SLC37A1: variants seen among roughly 807,000 people sequenced by gnomAD.
The protein encoded by SLC37A1 is glucose-6-phosphate exchanger SLC37A1.
SLC37A1 carries 49 observed loss-of-function variants against 75.3 expected under a neutral mutation model. That is an observed-to-expected ratio of 0.65 (90% CI 0.52 to 0.83). The LOEUF is 0.83. Among genes scored for constraint, SLC37A1 ranks in the 40% least tolerant of loss-of-function variants. SLC37A1 has a pLI of 0.00. For synonymous variants in SLC37A1, 268 were observed against 292.1 expected, an observed-to-expected ratio of 0.92 and a Z score of 0.84; for missense variants, 566 against 695.0, an observed-to-expected ratio of 0.81 and a Z score of 2.09.
At chr21:42,543,308 G>C in intron 7 of SLC37A1, 128 bp from the exon 8 acceptor site, 1 of 1,034,484 alleles carries the variant, frequency 9.7e-7, no homozygotes, top group South Asian at 1.3e-5. Flanking sequence ...CACAGAAGCA[G>C]GGTCTGCATG....
intron 12 of SLC37A1, 59 bp from the exon 13 acceptor site, chr21:42,563,756 G>A: frequency 1.9e-6 from 3 of 1,539,440 alleles, no homozygotes; most frequent in Non-Finnish European, 1.8e-6. Context: ...GCCATGGTGT[G>A]TCGCTGCGAT....
chr21:42,527,950 C>T (rs1259601967), intron 3 of SLC37A1, among the ~76,000 whole-genome samples: 3 of 152,290 alleles, frequency 2.0e-5, no homozygotes, highest in African/African-American at 7.2e-5. Context: ...ATGGCATCAA[C>T]GAAACTGAAA....
At chr21:42,576,154 G>T (rs1441268590) in intron 18 of SLC37A1, among the ~76,000 whole-genome samples, 1 of 152,068 alleles carries the variant, frequency 6.6e-6, no homozygotes, top group Admixed American at 6.6e-5. Flanking sequence ...CGTTAGGCTG[G>T]CACAAGATGA....
In SLC37A1 at chr21:42,555,607, C is replaced by G. The variant is rs185596971; in HGVS notation, c.849+1465C>G. ...AATTCACATTTAAACAAATCATGTC[C>G]CAGTGTCCAAAAGGCTGTCACCCCT... On this transcript the variant is annotated intron_variant, in intron 10 of 19. Transcript: ENST00000352133. Among the ~76,000 whole-genome samples, 3 of 152,108 alleles carry G rather than the reference C, an allele frequency of 2.0e-5. No homozygotes were observed. In the East Asian group the frequency reaches 5.8e-4, roughly 29 times the overall value.
Position 42,580,634 on chromosome 21 carries a change from T to G in SLC37A1, c.*274T>G. 1.0e-5 allele frequency: 3 copies of G among 291,778 alleles called. No individual in the cohort carries two copies. Among genetic ancestry groups the G allele is most frequent in the South Asian group, 2.9e-5 (1 of 34,710 alleles). The allele number at this position is 291,778 out of a possible 1,614,324, so 18.1% of individuals were successfully genotyped here. ...GGCCGGCCCTGGCCTCACAGGCGTG[T>G]GCCCATGCAGCCACCCAAATGCACG... On this transcript the variant is annotated 3_prime_UTR_variant, in exon 20 of 20. Transcript: ENST00000352133.
intron 17 of SLC37A1, among the ~76,000 whole-genome samples, chr21:42,572,695 T>TAAAAAAACAAAA (rs1421400961): frequency 7.6e-6 from 1 of 132,270 alleles, no homozygotes; most frequent in Non-Finnish European, 1.6e-5. Context: ...AAAAAAAGAG[T>TAAAAAAACAAAA]GTGTCCTGAG....
At position 42,571,404 on chromosome 21, in the gene SLC37A1, G is replaced by T. The variant is rs193182642; in HGVS notation, c.1423+2966G>T. Reference sequence around the variant, plus strand: ...GCCGTTTCTGTACATTTCATGCAGAGCAATTAAATAGGGCACTGCATTTTT... The same window carrying T: ...GCCGTTTCTGTACATTTCATGCAGATCAATTAAATAGGGCACTGCATTTTT... On this transcript the variant is annotated intron_variant, in intron 17 of 19. Transcript: ENST00000352133. Among the ~76,000 whole-genome samples, 151 of 152,326 alleles carry T rather than the reference G, an allele frequency of 9.9e-4. 1 individual carries two copies. Among genetic ancestry groups the T allele is most frequent in the Middle Eastern group, 3.4e-3 (1 of 294 alleles).
chr21:42,535,566 T>C lies in SLC37A1; in HGVS notation c.350+16T>C. ...TGTACCTCAGGTAGGTCTCCTTCAGTTTTCCAGACCCTTCCTGGTTACCTG... is the reference window on the plus strand; with the variant it reads ...TGTACCTCAGGTAGGTCTCCTTCAGCTTTCCAGACCCTTCCTGGTTACCTG... On this transcript the variant is annotated intron_variant, in intron 5 of 19. Coordinates refer to ENST00000352133, the MANE Select transcript of SLC37A1 (RefSeq NM_001320537.2). 1 of 1,610,952 alleles carries C rather than the reference T, an allele frequency of 6.2e-7. No individual in the cohort carries two copies. Among genetic ancestry groups the C allele is most frequent in the Middle Eastern group, 1.7e-4 (1 of 6,040 alleles).
chr21:42,539,686 T>C, intron 6 of SLC37A1, 39 bp downstream of exon 6: 1 of 1,590,046 alleles, frequency 6.3e-7, no homozygotes, highest in Middle Eastern at 1.7e-4. Flanking sequence ...GTACGGGGTT[T>C]CCTTGGTGAA....
At chr21:42,553,989 G>A (rs2055619414) in intron 9 of SLC37A1, 73 bp from the exon 10 acceptor site, 4 of 1,270,496 alleles carry the variant, frequency 3.1e-6, no homozygotes, top group Non-Finnish European at 3.3e-6. Context: ...AAGTATCCTT[G>A]CTACAGTAAA....
At chr21:42,516,131 AG>A (rs1229162328) in intron 1 of SLC37A1, among the ~76,000 whole-genome samples, 1 of 152,222 alleles carries the variant, frequency 6.6e-6, no homozygotes, top group South Asian at 2.1e-4. Context: ...GGTAAGTTCC[AG>A]GGGGGCCTGT....
At chr21:42,573,611 A>G (rs1432664452) in intron 17 of SLC37A1, among the ~76,000 whole-genome samples, 1 of 152,146 alleles carries the variant, frequency 6.6e-6, no homozygotes, top group Non-Finnish European at 1.5e-5. Flanking sequence ...TGAGAATTAA[A>G]AAAAAAAACA....
At chr21:42,546,211 G>T (rs2055403378) in intron 8 of SLC37A1, among the ~76,000 whole-genome samples, 1 of 152,198 alleles carries the variant, frequency 6.6e-6, no homozygotes, top group Admixed American at 6.5e-5. Context: ...AGAGGCCTGG[G>T]GTCTGACTCT....
chr21:42,519,576 G>T (rs1006454138), intron 2 of SLC37A1, among the ~76,000 whole-genome samples: 1 of 152,198 alleles, frequency 6.6e-6, no homozygotes, highest in African/African-American at 2.4e-5. Flanking sequence ...AAATGATTTT[G>T]ATGCCACAGC....
At chr21:42,564,498 T>C (rs951586587) in intron 13 of SLC37A1, among the ~76,000 whole-genome samples, 4 of 152,182 alleles carry the variant, frequency 2.6e-5, no homozygotes, top group Non-Finnish European at 4.4e-5. Flanking sequence ...AACCTGAACC[T>C]GCAGATGTCT....
chr21:42,530,627 C>T lies in SLC37A1; in HGVS notation c.139-4071C>T, dbSNP rs543735271. On this transcript the variant is annotated intron_variant, in intron 3 of 19. Coordinates refer to ENST00000352133, the MANE Select transcript of SLC37A1 (RefSeq NM_001320537.2). ...ACACACACACACACACACACACACACACACACACACACACACACACACACA... is the reference window on the plus strand; with the variant it reads ...ACACACACACACACACACACACACATACACACACACACACACACACACACA... Among the ~76,000 whole-genome samples, 29 of 110,386 alleles carry T rather than the reference C, an allele frequency of 2.6e-4. 1 individual carries two copies. In the South Asian group the frequency reaches 8.6e-3, roughly 33 times the overall value. The allele number at this position is 110,386 out of a possible 152,430, so 72.4% of individuals were successfully genotyped here. A position where few individuals can be genotyped will look rare whatever the true frequency, so the allele number is the denominator to read the frequency against.
chr21:42,580,468 C>A lies in SLC37A1; in HGVS notation c.*108C>A. ...CATGGAAAGAGTGACCTCCCTTTGC[C>A]TTTTGCACACGCACCTGGAAAAGAC... On this transcript the variant is annotated 3_prime_UTR_variant, in exon 20 of 20. Transcript: ENST00000352133. The A allele has an allele frequency of 8.1e-7, 1 of 1,232,604 alleles. No individual in the cohort carries two copies. Among genetic ancestry groups the A allele is most frequent in the Non-Finnish European group, 1.1e-6 (1 of 883,262 alleles). 76.4% of individuals were successfully genotyped at this position (1,232,604 alleles called of 1,614,324 possible).
intron 3 of SLC37A1, among the ~76,000 whole-genome samples, chr21:42,530,635 CACACACACACACACACA>C (rs1471067776): frequency 7.5e-5 from 3 of 39,820 alleles, no homozygotes; most frequent in Admixed American, 2.4e-4. Context: ...CACACACACA[CACACACACACACACACA>C]CACCCCCTCT....
At chr21:42,516,667 GT>G (rs1382051180) in intron 1 of SLC37A1, among the ~76,000 whole-genome samples, 2 of 152,026 alleles carry the variant, frequency 1.3e-5, no homozygotes, top group Admixed American at 1.3e-4. Context: ...AATCAAAGAG[GT>G]TTTTTTTCCC....
Sources: allele counts gnomAD v4.1 joint callset (sites outside exome capture counted in the v4.1 genomes callset), GRCh38; gene constraint gnomAD v4.1.1; transcripts MANE v1.5; gene names NCBI Gene and HGNC (gene_info 2026-07-23, HGNC 2026-07-21).